AGXT2: variants seen among roughly 807,000 people sequenced by gnomAD.
AGXT2 encodes the protein alanine--glyoxylate aminotransferase 2.
Under a neutral mutation model 62.5 loss-of-function variants are expected in AGXT2, and 61 were observed. The ratio of observed to expected loss-of-function variants is 0.98; its 90% CI spans 0.79 to 1.21. AGXT2 has a LOEUF of 1.21. AGXT2 is among the 50% of genes most tolerant of loss of function. The pLI, the probability that AGXT2 is intolerant of heterozygous loss-of-function variation, is 0.00. For missense variants in AGXT2, 666 were observed against 641.5 expected, an observed-to-expected ratio of 1.04 and a Z score of -0.41; for synonymous variants, 243 against 218.7, an observed-to-expected ratio of 1.11 and a Z score of -0.98.
At chr5:35,000,104 C>G (rs931546313) in intron 13 of AGXT2, among the ~76,000 whole-genome samples, 1 of 152,146 alleles carries the variant, frequency 6.6e-6, no homozygotes, top group Non-Finnish European at 1.5e-5. Flanking sequence ...TTGCCCTTCC[C>G]CCATTCACAT....
chr5:35,030,282 C>T (rs754599477), intron 7 of AGXT2, among the ~76,000 whole-genome samples: 12 of 152,112 alleles, frequency 7.9e-5, no homozygotes, highest in East Asian at 1.9e-4. Flanking sequence ...CCAAGGCGAG[C>T]GGATCACCTG....
intron 9 of AGXT2, among the ~76,000 whole-genome samples, chr5:35,022,605 G>T (rs1241850902): frequency 3.3e-5 from 5 of 150,740 alleles, no homozygotes; most frequent in African/African-American, 4.9e-5. Context: ...GATAGCATTG[G>T]GACATATGCC....
At chr5:35,002,780 G>T (rs79929611) in intron 13 of AGXT2, among the ~76,000 whole-genome samples, 2 of 151,926 alleles carry the variant, frequency 1.3e-5, no homozygotes, top group Non-Finnish European at 2.9e-5. Context: ...GCAGGCTGGG[G>T]GGGGGGACTA....
intron 9 of AGXT2, among the ~76,000 whole-genome samples, chr5:35,014,636 A>G (rs768273908): frequency 6.6e-6 from 1 of 152,034 alleles, no homozygotes; most frequent in Non-Finnish European, 1.5e-5. Flanking sequence ...GCTTTGTGCA[A>G]TTCTGGGTAT....
At position 35,033,497 on chromosome 5, in the gene AGXT2, T is replaced by C; in HGVS notation, c.638A>G (p.Tyr213Cys). ...TGTCCCACCAGGGAGTTCCATCTTG[T>C]AGGTCCCTACGTTTGTCAAGCCAAG... ...YTLGLTNVGT[Y>C]KMELPGGTGC... Residue 213 changes from tyrosine (Y) to cysteine (C), a missense_variant, in exon 6 of 14, where the codon TAC becomes TGC. Coordinates refer to ENST00000231420, the MANE Select transcript of AGXT2 (RefSeq NM_031900.4). The C allele has an allele frequency of 3.7e-6, 6 of 1,613,830 alleles. No individual in the cohort carries two copies. Among genetic ancestry groups the C allele is most frequent in the African/African-American group, 1.3e-5 (1 of 75,040 alleles).
At chr5:35,013,837 GAC>G in intron 10 of AGXT2, 148 bp downstream of exon 10, 3 of 1,197,806 alleles carry the variant, frequency 2.5e-6, no homozygotes, top group Non-Finnish European at 3.7e-6. Flanking sequence ...CAGTCAGGCA[GAC>G]AGACTGTTTC....
At chr5:35,035,551 G>T (rs1767729629) in intron 4 of AGXT2, among the ~76,000 whole-genome samples, 1 of 152,046 alleles carries the variant, frequency 6.6e-6, no homozygotes, top group African/African-American at 2.4e-5. Flanking sequence ...TCTCAGCTGT[G>T]CAACATTCCT....
At chr5:35,047,760 C>T (rs1768305152) in intron 1 of AGXT2, 45 bp downstream of exon 1, 2 of 1,607,922 alleles carry the variant, frequency 1.2e-6, no homozygotes, top group Non-Finnish European at 1.7e-6. Flanking sequence ...GTCTTACCCT[C>T]TCGCTGATCC....
chr5:35,021,893 C>T (rs1047011719), intron 9 of AGXT2, among the ~76,000 whole-genome samples: 1 of 152,068 alleles, frequency 6.6e-6, no homozygotes. Flanking sequence ...AACAAACTAC[C>T]CCATCAACAA....
intron 1 of AGXT2, among the ~76,000 whole-genome samples, chr5:35,045,846 C>A (rs946408906): frequency 3.4e-5 from 5 of 146,148 alleles, no homozygotes; most frequent in African/African-American, 1.0e-4. Flanking sequence ...CCGCTCACTG[C>A]AAGCTCCGAC....
intron 9 of AGXT2, among the ~76,000 whole-genome samples, chr5:35,017,245 G>A (rs1429699430): frequency 5.3e-5 from 8 of 152,152 alleles, no homozygotes; most frequent in African/African-American, 1.9e-4. Flanking sequence ...GGGAGCCTGA[G>A]TTTGAGTCTT....
rs3034208 is a variant in AGXT2, at chr5:35,041,223, C to CAAAAAAAAAAAA, written c.89-572_89-561dup. ...CCCAGAAGACAAAACCTCCCCCCGC[C>CAAAAAAAAAAAA]AAAAAAAAAAAAAAAAAAAGGCTGC... On this transcript the variant is annotated intron_variant, in intron 1 of 13. Coordinates refer to ENST00000231420, the MANE Select transcript of AGXT2 (RefSeq NM_031900.4). 5.3e-4 allele frequency among the ~76,000 whole-genome samples: 27 copies of CAAAAAAAAAAAA among 51,380 alleles called. 1 individual carries two copies. Among genetic ancestry groups the CAAAAAAAAAAAA allele is most frequent in the South Asian group, 2.1e-3 (2 of 954 alleles). The allele number at this position is 51,380 out of a possible 152,430, so 33.7% of individuals were successfully genotyped here.
intron 6 of AGXT2, 186 bp from the exon 7 acceptor site, chr5:35,033,011 G>A (rs1012982472): frequency 1.6e-6 from 1 of 619,868 alleles, no homozygotes. Flanking sequence ...CAGCTATGTG[G>A]GCCCTCTACA....
chr5:35,033,683 C>T (rs868239316), intron 5 of AGXT2, 130 bp from the exon 6 acceptor site: 10 of 720,530 alleles, frequency 1.4e-5, no homozygotes, highest in Non-Finnish European at 2.0e-5. Flanking sequence ...TTTCTAAGAA[C>T]GCATCTAAGC....
intron 11 of AGXT2, among the ~76,000 whole-genome samples, chr5:35,012,091 G>T (rs1387621655): frequency 1.3e-5 from 2 of 152,062 alleles, no homozygotes; most frequent in Admixed American, 1.3e-4. Flanking sequence ...GGGGAAGCTG[G>T]GAGGGGGGTG....
At chr5:35,029,638 A>G (rs1767488813) in intron 7 of AGXT2, among the ~76,000 whole-genome samples, 1 of 152,244 alleles carries the variant, frequency 6.6e-6, no homozygotes, top group Admixed American at 6.5e-5. Flanking sequence ...GTGGTACAGA[A>G]AGAGTTAAGC....
intron 7 of AGXT2, among the ~76,000 whole-genome samples, chr5:35,030,058 A>T (rs1325359570): frequency 6.6e-6 from 1 of 152,224 alleles, no homozygotes; most frequent in Non-Finnish European, 1.5e-5. Context: ...ACATGTTTGG[A>T]TGCTTTTGTA....
chr5:35,009,463 G>A (rs1480435768), intron 12 of AGXT2, among the ~76,000 whole-genome samples: 1 of 152,058 alleles, frequency 6.6e-6, no homozygotes, highest in South Asian at 2.1e-4. Context: ...AGGTATGGTG[G>A]TGTGTGCCTG....
intron 1 of AGXT2, among the ~76,000 whole-genome samples, chr5:35,045,770 T>C (rs1235848095): frequency 0.01 from 378 of 37,234 alleles, 3 homozygotes; most frequent in African/African-American, 0.024. Context: ...TTTTCTTTTT[T>C]TTTTTTTTTT....
Sources: allele counts gnomAD v4.1 joint callset (sites outside exome capture counted in the v4.1 genomes callset), GRCh38; gene constraint gnomAD v4.1.1; transcripts MANE v1.5; gene names NCBI Gene and HGNC (gene_info 2026-07-23, HGNC 2026-07-21).